TAFA2: variants seen among roughly 807,000 people sequenced by gnomAD.
The protein encoded by TAFA2 is TAFA chemokine like family member 2, also known as chemokine-like protein TAFA-2.
In TAFA2, 7 loss-of-function variants were observed where a neutral mutation model predicts 18.8. The observed-to-expected ratio is 0.37, with a 90% CI of 0.21 to 0.70. The LOEUF is 0.70. TAFA2 is among the 30% of genes least tolerant of loss of function. TAFA2 has a pLI of 0.53. For synonymous variants in TAFA2, 60 were observed against 54.2 expected (o/e 1.11, Z -0.47); for missense variants, 122 against 158.1 (o/e 0.77, Z 1.23).
At chr12:61,877,692 C>T (rs1874915128) in intron 1 of TAFA2, among the ~76,000 whole-genome samples, 1 of 152,070 alleles carries the variant, frequency 6.6e-6, no homozygotes, top group Admixed American at 6.6e-5. Flanking sequence ...GGATTCAGGA[C>T]ACATCAGATA....
chr12:61,977,891 A>G (rs962017473), intron 1 of TAFA2, among the ~76,000 whole-genome samples: 1 of 141,190 alleles, frequency 7.1e-6, no homozygotes, highest in East Asian at 2.1e-4. Context: ...TTTGATTGTG[A>G]AGGGGAGAGG....
intron 1 of TAFA2, among the ~76,000 whole-genome samples, chr12:62,003,017 C>G (rs574215639): frequency 6.6e-6 from 1 of 152,118 alleles, no homozygotes; most frequent in South Asian, 2.1e-4. Flanking sequence ...TATTGCCAGT[C>G]ATTGGAATTA....
At chr12:62,005,062 A>T (rs1368016513) in intron 1 of TAFA2, among the ~76,000 whole-genome samples, 1 of 152,086 alleles carries the variant, frequency 6.6e-6, no homozygotes, top group Admixed American at 6.5e-5. Flanking sequence ...TAGGTCAAAG[A>T]GTTCAAAATT....
intron 2 of TAFA2, among the ~76,000 whole-genome samples, chr12:61,840,742 T>C (rs1018651498): frequency 6.6e-6 from 1 of 152,086 alleles, no homozygotes; most frequent in Non-Finnish European, 1.5e-5. Flanking sequence ...AATGGTCTGC[T>C]GCTTTTCTAG....
At chr12:62,222,110 G>A (rs1478870106) in intron 1 of TAFA2, among the ~76,000 whole-genome samples, 2 of 152,106 alleles carry the variant, frequency 1.3e-5, no homozygotes, top group African/African-American at 4.8e-5. Flanking sequence ...TGTGATAGAG[G>A]GGTGAAGAGA....
intron 1 of TAFA2, among the ~76,000 whole-genome samples, chr12:61,898,256 G>A (rs1477303731): frequency 1.3e-5 from 2 of 152,228 alleles, no homozygotes; most frequent in Non-Finnish European, 2.9e-5. Flanking sequence ...CAGATGCATG[G>A]TGTGGGTTGT....
At chr12:61,803,478 T>C (rs1009876123) in intron 2 of TAFA2, among the ~76,000 whole-genome samples, 14 of 151,926 alleles carry the variant, frequency 9.2e-5, no homozygotes, top group Admixed American at 3.3e-4. Flanking sequence ...ATTCCTTCTA[T>C]ATACACTAAA....
chr12:62,212,520 T>C (rs1214292877), intron 1 of TAFA2, among the ~76,000 whole-genome samples: 1 of 152,210 alleles, frequency 6.6e-6, no homozygotes, highest in African/African-American at 2.4e-5. Flanking sequence ...CAAACTATTA[T>C]AGCTGAGCCT....
intron 1 of TAFA2, among the ~76,000 whole-genome samples, chr12:62,182,278 G>A (rs1019876371): frequency 5.3e-5 from 8 of 152,056 alleles, no homozygotes; most frequent in African/African-American, 1.9e-4. Context: ...TTCTCTAAAT[G>A]GAAGGTTAAA....
intron 1 of TAFA2, among the ~76,000 whole-genome samples, chr12:62,007,691 T>C (rs751116161): frequency 3.9e-5 from 6 of 152,170 alleles, no homozygotes; most frequent in African/African-American, 1.4e-4. Flanking sequence ...AAGTGTACTT[T>C]TTTTAAAGTT....
At chr12:62,146,754 C>A (rs1267824193) in intron 1 of TAFA2, among the ~76,000 whole-genome samples, 2 of 152,244 alleles carry the variant, frequency 1.3e-5, no homozygotes, top group South Asian at 2.1e-4. Context: ...AAAGAGCTAC[C>A]TTTTCCATGA....
At chr12:61,984,641 G>A (rs988032397) in intron 1 of TAFA2, among the ~76,000 whole-genome samples, 2 of 152,012 alleles carry the variant, frequency 1.3e-5, no homozygotes, top group Non-Finnish European at 2.9e-5. Context: ...TATGTTTTTT[G>A]TACATGGGAT....
At chr12:62,016,297 G>A (rs1880934335) in intron 1 of TAFA2, among the ~76,000 whole-genome samples, 1 of 152,128 alleles carries the variant, frequency 6.6e-6, no homozygotes, top group Admixed American at 6.5e-5. Flanking sequence ...CCTCAAGGAT[G>A]CCGACAGCTC....
At chr12:61,914,222 A>C (rs1592482340) in intron 1 of TAFA2, among the ~76,000 whole-genome samples, 1 of 152,204 alleles carries the variant, frequency 6.6e-6, no homozygotes, top group African/African-American at 2.4e-5. Context: ...AAGTTCAACC[A>C]GGAAGGCATC....
intron 1 of TAFA2, among the ~76,000 whole-genome samples, chr12:62,052,057 T>C (rs1437090617): frequency 1.3e-5 from 2 of 152,156 alleles, no homozygotes; most frequent in African/African-American, 2.4e-5. Context: ...CCCATAGCCA[T>C]AGTTTTCCAC....
intron 4 of TAFA2, among the ~76,000 whole-genome samples, chr12:61,739,427 C>T (rs1461950314): frequency 3.9e-5 from 6 of 152,002 alleles, no homozygotes; most frequent in Admixed American, 1.3e-4. Context: ...ATCAACAGTA[C>T]TACAGAAAAT....
chr12:61,849,493 T>C lies in TAFA2; in HGVS notation c.106+17827A>G, dbSNP rs59654074. Reference sequence around the variant, plus strand: ...AGCCTAGTATCTTGCTTATTTATTTTCATAATATCCAAATATCATGGCTAG... The same window carrying C: ...AGCCTAGTATCTTGCTTATTTATTTCCATAATATCCAAATATCATGGCTAG... On this transcript the variant is annotated intron_variant, in intron 2 of 4. Coordinates refer to ENST00000416284, the MANE Select transcript of TAFA2 (RefSeq NM_178539.5). Among the ~76,000 whole-genome samples, 245 of 152,320 alleles carry C rather than the reference T, an allele frequency of 1.6e-3. 1 individual carries two copies. Among genetic ancestry groups the C allele is most frequent in the African/African-American group, 5.7e-3 (238 of 41,582 alleles).
chr12:61,907,917 T>G (rs192644820), intron 1 of TAFA2, among the ~76,000 whole-genome samples: 76 of 152,336 alleles, frequency 5.0e-4, no homozygotes, highest in African/African-American at 1.8e-3. Context: ...GCATGAGGCC[T>G]GCAGGCCCTT....
At chr12:62,098,677 G>C (rs866807785) in intron 1 of TAFA2, among the ~76,000 whole-genome samples, 1 of 152,018 alleles carries the variant, frequency 6.6e-6, no homozygotes, top group South Asian at 2.1e-4. Context: ...GGAAGTCTAC[G>C]CCTCTTGCAA....
Sources: gnomAD v4.1 joint callset for allele counts (sites outside exome capture counted in the v4.1 genomes callset) on GRCh38, gnomAD v4.1.1 for gene constraint, MANE v1.5 for transcripts, NCBI Gene and HGNC (gene_info 2026-07-23, HGNC 2026-07-21) for gene names.